Variants in MARCHF6 observed in about 807,000 individuals in gnomAD.
MARCHF6 encodes E3 ubiquitin-protein ligase MARCHF6.
Under a neutral mutation model 133.7 loss-of-function variants are expected in MARCHF6, and 31 were observed. That is an observed-to-expected ratio of 0.23 (90% confidence interval 0.17 to 0.31). MARCHF6 has a LOEUF of 0.31. Among genes scored for constraint, MARCHF6 ranks in the 10% least tolerant of loss-of-function variants. The pLI is 1.00. For missense variants in MARCHF6, 723 were observed against 1,121.6 expected (o/e 0.64, Z 5.08); for synonymous variants, 395 against 402.5 (o/e 0.98, Z 0.22).
At position 10,391,699 on chromosome 5, in the gene MARCHF6, A is replaced by T. The variant is rs2126731894; in HGVS notation, c.734A>T (p.Glu245Val). 1 of 1,587,432 alleles carries T rather than the reference A, an allele frequency of 6.3e-7. No homozygotes were observed. Among genetic ancestry groups the T allele is most frequent in the East Asian group, 2.3e-5 (1 of 43,634 alleles). ...DNEEEDDAGV[E>V]DAADANNGAQ... The stretch of plus-strand genomic sequence containing the variant: ...GAGGAGGAAGATGACGCTGGTGTGG[A>T]GGATGCGGCAGATGCTAATAACGGA... Residue 245 changes from glutamate to valine, a missense_variant, in exon 7 of 26, where the codon GAG becomes GTG. Physicochemically the swap from Glu to Val is moderately radical, Grantham distance 121 (BLOSUM62 -2). Coordinates refer to ENST00000274140, the MANE Select transcript of MARCHF6 (RefSeq NM_005885.4).
At chr5:10,418,907 A>G (rs990325074) in intron 22 of MARCHF6, among the ~76,000 whole-genome samples, 1 of 152,198 alleles carries the variant, frequency 6.6e-6, no homozygotes, top group Non-Finnish European at 1.5e-5. Flanking sequence ...CATTTAATCT[A>G]GCTTTGGGAG....
chr5:10,353,954 C>T (rs760021229), intron 1 of MARCHF6, 37 bp downstream of exon 1: 9 of 1,533,254 alleles, frequency 5.9e-6, no homozygotes, highest in Middle Eastern at 1.8e-4. Context: ...GCCCTTGCGT[C>T]GGCGCCCGGG....
At chr5:10,379,427 G>A (rs764532767) in intron 3 of MARCHF6, among the ~76,000 whole-genome samples, 6 of 150,706 alleles carry the variant, frequency 4.0e-5, no homozygotes, top group Non-Finnish European at 8.9e-5. Context: ...AGTTAAAGTT[G>A]TATAGGTTAG....
intron 1 of MARCHF6, among the ~76,000 whole-genome samples, chr5:10,364,513 T>C (rs191176414): frequency 5.8e-4 from 88 of 152,238 alleles, no homozygotes; most frequent in Middle Eastern, 3.4e-3. Context: ...TAACTGCCCC[T>C]AGCCAAAAGA....
chr5:10,417,177 C>T (rs904922722), intron 21 of MARCHF6, 93 bp from the exon 22 acceptor site: 3 of 1,416,014 alleles, frequency 2.1e-6, no homozygotes, highest in African/African-American at 2.9e-5. Context: ...ACTGTGGTTG[C>T]TCTGTTAGGC....
chr5:10,360,976 A>G (rs1437649070), intron 1 of MARCHF6, among the ~76,000 whole-genome samples: 1 of 152,214 alleles, frequency 6.6e-6, no homozygotes, highest in Non-Finnish European at 1.5e-5. Flanking sequence ...TATGAAGATC[A>G]CTTATTTTTA....
chr5:10,418,381 CAA>C (rs36005391), intron 22 of MARCHF6, among the ~76,000 whole-genome samples: 15 of 92,198 alleles, frequency 1.6e-4, no homozygotes, highest in Admixed American at 1.3e-4. Context: ...ACCCTGTCTC[CAA>C]AAAAAAAAAA....
At chr5:10,416,702 A>C (rs1290070796) in intron 21 of MARCHF6, among the ~76,000 whole-genome samples, 1 of 151,658 alleles carries the variant, frequency 6.6e-6, no homozygotes, top group Non-Finnish European at 1.5e-5. Context: ...TTTCATCATT[A>C]CTCTTTTATA....
intron 1 of MARCHF6, among the ~76,000 whole-genome samples, chr5:10,363,457 C>G (rs1488912178): frequency 1.3e-5 from 2 of 152,160 alleles, no homozygotes; most frequent in Admixed American, 6.5e-5. Flanking sequence ...CCACTTCACA[C>G]CTGCTAGGAT....
rs149734813 is a variant in MARCHF6 at position 10,436,385 on chromosome 5, A to G, written c.*2701A>G. Reference sequence around the variant, plus strand: ...TTTCCAGCATAATATTTGCTTGGGTAGCATCCGGGTTTTAGTATTTAACCA... The same window carrying G: ...TTTCCAGCATAATATTTGCTTGGGTGGCATCCGGGTTTTAGTATTTAACCA... On this transcript the variant is annotated 3_prime_UTR_variant, in exon 26 of 26. Coordinates refer to ENST00000274140, the MANE Select transcript of MARCHF6 (RefSeq NM_005885.4). 2 of 152,340 alleles carry G rather than the reference A, an allele frequency of 1.3e-5. No homozygotes were observed. The highest frequency in any genetic ancestry group is 3.9e-4 in the East Asian group (2 of 5,188). The allele number at this position is 152,340 out of a possible 1,614,324, so 9.4% of individuals were successfully genotyped here.
Position 10,394,149 on chromosome 5 carries a change from AC to A in MARCHF6, c.828+8del. On this transcript the variant is annotated splice_region_variant and intron_variant, in intron 8 of 25. Transcript: ENST00000274140. ...AAGAGCTTACATGGGAAAGAGTAAG[AC>A]CTTTTTCTGTCAAGTATCCTGGTGT... 1 of 1,543,580 alleles carries A rather than the reference AC, an allele frequency of 6.5e-7. No homozygotes were observed. The highest frequency in any genetic ancestry group is 8.8e-7 in the Non-Finnish European group (1 of 1,138,572).
chr5:10,433,805 T>C lies in MARCHF6; in HGVS notation c.*121T>C. 1 of 776,586 alleles carries C rather than the reference T, an allele frequency of 1.3e-6. No individual in the cohort carries two copies. Among genetic ancestry groups the C allele is most frequent in the Non-Finnish European group, 2.2e-6 (1 of 456,760 alleles). 48.1% of individuals were successfully genotyped at this position (776,586 alleles called of 1,614,324 possible). A position where few individuals can be genotyped will look rare whatever the true frequency, so the allele number is the denominator to read the frequency against. Reference sequence around the variant, plus strand: ...TTTTAAGTTAAATGTATTTGACTTGTGTTCTCAGCATTCAGAGAGCAGCGG... The same window carrying C: ...TTTTAAGTTAAATGTATTTGACTTGCGTTCTCAGCATTCAGAGAGCAGCGG... On this transcript the variant is annotated 3_prime_UTR_variant, in exon 26 of 26. Coordinates refer to ENST00000274140, the MANE Select transcript of MARCHF6 (RefSeq NM_005885.4).
chr5:10,430,260 G>A (rs1484992658), intron 25 of MARCHF6, among the ~76,000 whole-genome samples: 1 of 150,774 alleles, frequency 6.6e-6, no homozygotes, highest in East Asian at 1.9e-4. Context: ...GGAAAAGACT[G>A]GGTGAAACTG....
chr5:10,376,763 G>A (rs2967943), intron 1 of MARCHF6, among the ~76,000 whole-genome samples: 21 of 152,172 alleles, frequency 1.4e-4, no homozygotes, highest in African/African-American at 5.1e-4. Flanking sequence ...CTGTAACCAC[G>A]CACCACACTG....
chr5:10,414,826 A>G (rs755019891), intron 20 of MARCHF6, among the ~76,000 whole-genome samples: 2 of 152,344 alleles, frequency 1.3e-5, no homozygotes, highest in South Asian at 2.1e-4. Flanking sequence ...GTCTTATCCA[A>G]GTGATTGTTG....
At chr5:10,400,445 T>G (rs1259263574) in intron 10 of MARCHF6, among the ~76,000 whole-genome samples, 1 of 152,188 alleles carries the variant, frequency 6.6e-6, no homozygotes, top group Non-Finnish European at 1.5e-5. Flanking sequence ...TGATTATTAT[T>G]TTGGACTTTT....
intron 1 of MARCHF6, among the ~76,000 whole-genome samples, chr5:10,363,107 G>T (rs753645976): frequency 6.6e-6 from 1 of 152,130 alleles, no homozygotes; most frequent in Non-Finnish European, 1.5e-5. Flanking sequence ...AAATATAGGA[G>T]AAATTCTTCG....
chr5:10,356,958 T>A (rs1295299331), intron 1 of MARCHF6, among the ~76,000 whole-genome samples: 4 of 152,234 alleles, frequency 2.6e-5, no homozygotes, highest in Non-Finnish European at 2.9e-5. Context: ...TTAAATTAAT[T>A]TTTGTAAAAT....
At chr5:10,402,971 T>C (rs2126765549) in intron 14 of MARCHF6, among the ~76,000 whole-genome samples, 1 of 152,340 alleles carries the variant, frequency 6.6e-6, no homozygotes, top group South Asian at 2.1e-4. Context: ...TTGATTTAAC[T>C]AATATGCTCA....
Sources: gnomAD v4.1 joint callset for allele counts (sites outside exome capture counted in the v4.1 genomes callset) on GRCh38, gnomAD v4.1.1 for gene constraint, MANE v1.5 for transcripts, NCBI Gene and HGNC (gene_info 2026-07-23, HGNC 2026-07-21) for gene names.